Variants in EYA2 observed in about 807,000 individuals in gnomAD.
EYA2 encodes the protein protein phosphatase EYA2.
In EYA2, 31 loss-of-function variants were observed where a neutral mutation model predicts 69.2. The ratio of observed to expected loss-of-function variants is 0.45; its 90% CI spans 0.34 to 0.60. The LOEUF (loss-of-function observed/expected upper bound fraction) is 0.60. Ranked by LOEUF, EYA2 falls within the 20% of genes least tolerant of loss-of-function variation. The pLI is 0.02. For missense variants in EYA2, 622 were observed against 701.2 expected (o/e 0.89, Z 1.28); for synonymous variants, 257 against 279.4 (o/e 0.92, Z 0.80).
chr20:46,948,729 T>A (rs1029338009), intron 1 of EYA2, among the ~76,000 whole-genome samples: 1 of 152,188 alleles, frequency 6.6e-6, no homozygotes, highest in Admixed American at 6.5e-5. Flanking sequence ...ACATTATTGT[T>A]TAATTCGTAA....
chr20:47,050,560 A>C (rs1195483076), intron 5 of EYA2, among the ~76,000 whole-genome samples: 1 of 152,358 alleles, frequency 6.6e-6, no homozygotes, highest in South Asian at 2.1e-4. Flanking sequence ...ATGAAAGCCA[A>C]GGTCCGCAGC....
chr20:47,065,064 C>G (rs1280501893), intron 5 of EYA2, among the ~76,000 whole-genome samples: 1 of 152,146 alleles, frequency 6.6e-6, no homozygotes, highest in African/African-American at 2.4e-5. Flanking sequence ...GGGGAACTCC[C>G]CTTTATAAAA....
At chr20:47,163,100 G>A (rs1208144160) in intron 10 of EYA2, among the ~76,000 whole-genome samples, 6 of 151,284 alleles carry the variant, frequency 4.0e-5, no homozygotes, top group African/African-American at 7.3e-5. Flanking sequence ...CGCCATCTCA[G>A]CTCACTGTAA....
At chr20:47,052,061 C>T (rs1260697227) in intron 5 of EYA2, among the ~76,000 whole-genome samples, 3 of 152,058 alleles carry the variant, frequency 2.0e-5, no homozygotes, top group Non-Finnish European at 4.4e-5. Context: ...TTTTTTTCCC[C>T]CCAGAAATTA....
chr20:46,987,964 C>CTCTCTCTCTATATA (rs1555809797), intron 1 of EYA2, among the ~76,000 whole-genome samples: 5 of 11,268 alleles, frequency 4.4e-4, no homozygotes, highest in African/African-American at 5.5e-4. Context: ...CTCTCTCTCT[C>CTCTCTCTCTATATA]TATATATATA....
Position 46,994,494 on chromosome 20 carries a change from G to A in EYA2, c.109+4375G>A, listed in dbSNP as rs148557519. Among the ~76,000 whole-genome samples, 203 of 152,254 alleles carry A rather than the reference G, an allele frequency of 1.3e-3. 2 individuals are homozygous for A. Among genetic ancestry groups the A allele is most frequent in the African/African-American group, 4.2e-3 (176 of 41,544 alleles). ...AAACCACCACCCTACGCTACAAGCT[G>A]GGCTGTCAGCTGCTCTCACTTCCTG... On this transcript the variant is annotated intron_variant, in intron 2 of 15. Transcript: ENST00000327619.
chr20:47,117,290 A>G (rs1221836646), intron 9 of EYA2: 1 of 839,254 alleles, frequency 1.2e-6, no homozygotes, highest in Non-Finnish European at 1.4e-6. Flanking sequence ...GGTTACAGGC[A>G]TGAGCCACCG....
chr20:46,905,117 G>A (rs1047340326), intron 1 of EYA2, among the ~76,000 whole-genome samples: 5 of 152,084 alleles, frequency 3.3e-5, no homozygotes, highest in Non-Finnish European at 7.4e-5. Flanking sequence ...AATGGAGGAG[G>A]GAAGAAGGAG....
chr20:47,143,764 C>T (rs545205803), intron 10 of EYA2, among the ~76,000 whole-genome samples: 3 of 152,078 alleles, frequency 2.0e-5, no homozygotes, highest in Admixed American at 6.6e-5. Context: ...GAATGGGAAA[C>T]ATATTTAGAA....
At chr20:46,960,380 G>T (rs1219820286) in intron 1 of EYA2, among the ~76,000 whole-genome samples, 1 of 152,154 alleles carries the variant, frequency 6.6e-6, no homozygotes, top group Non-Finnish European at 1.5e-5. Flanking sequence ...AATAAAAACA[G>T]CTAAGTTTAC....
At chr20:46,938,744 C>T (rs1021325499) in intron 1 of EYA2, among the ~76,000 whole-genome samples, 1 of 152,142 alleles carries the variant, frequency 6.6e-6, no homozygotes, top group African/African-American at 2.4e-5. Flanking sequence ...ACCATCACTT[C>T]TGCCATATTC....
At chr20:46,917,205 T>C (rs1221806154) in intron 1 of EYA2, among the ~76,000 whole-genome samples, 1 of 152,230 alleles carries the variant, frequency 6.6e-6, no homozygotes, top group African/African-American at 2.4e-5. Flanking sequence ...ATTTTGTCTC[T>C]TTTCAACTAG....
At chr20:47,010,655 T>C (rs1983000191) in intron 4 of EYA2, among the ~76,000 whole-genome samples, 1 of 145,438 alleles carries the variant, frequency 6.9e-6, no homozygotes, top group African/African-American at 2.6e-5. Flanking sequence ...ACATATTTAT[T>C]TTAATATGCA....
At chr20:46,959,341 T>C (rs1979327857) in intron 1 of EYA2, among the ~76,000 whole-genome samples, 1 of 152,192 alleles carries the variant, frequency 6.6e-6, no homozygotes. Context: ...CATTCCTTTG[T>C]TGGGGGTGGG....
intron 9 of EYA2, among the ~76,000 whole-genome samples, chr20:47,098,641 C>T (rs1203457146): frequency 1.3e-5 from 2 of 152,242 alleles, no homozygotes; most frequent in African/African-American, 4.8e-5. Context: ...TGGCCCATGC[C>T]ATTCCTCACT....
chr20:47,097,217 T>C (rs1280220582), intron 9 of EYA2, 49 bp downstream of exon 9: 4 of 1,425,076 alleles, frequency 2.8e-6, no homozygotes, highest in South Asian at 1.2e-5. Context: ...TTCAACGTTA[T>C]TGTCCAGCCA....
At chr20:46,954,575 C>A (rs770663464) in intron 1 of EYA2, among the ~76,000 whole-genome samples, 1 of 152,174 alleles carries the variant, frequency 6.6e-6, no homozygotes, top group Non-Finnish European at 1.5e-5. Flanking sequence ...GTTTTTATGC[C>A]ACCTCTCTCC....
intron 14 of EYA2, among the ~76,000 whole-genome samples, chr20:47,181,169 A>G (rs1272081818): frequency 1.3e-5 from 2 of 152,222 alleles, no homozygotes; most frequent in African/African-American, 4.8e-5. Flanking sequence ...GTTCAGATAC[A>G]GGCAAAGCTG....
intron 5 of EYA2, among the ~76,000 whole-genome samples, chr20:47,050,458 A>G (rs1315397306): frequency 6.6e-6 from 1 of 152,214 alleles, no homozygotes; most frequent in Non-Finnish European, 1.5e-5. Context: ...GGAGTGGGAA[A>G]GAAAAGCACC....
Sources: gnomAD v4.1 joint callset for allele counts (sites outside exome capture counted in the v4.1 genomes callset) on GRCh38, gnomAD v4.1.1 for gene constraint, MANE v1.5 for transcripts, NCBI Gene and HGNC (gene_info 2026-07-23, HGNC 2026-07-21) for gene names.